Variants in SOX6 observed in about 807,000 individuals in gnomAD.
SOX6 encodes SRY-box transcription factor 6, also known as transcription factor SOX-6.
Under a neutral mutation model 97.8 loss-of-function variants are expected in SOX6, and 11 were observed. That is an observed-to-expected ratio of 0.11 (90% CI 0.07 to 0.19). The LOEUF (loss-of-function observed/expected upper bound fraction) is 0.19, where lower values mean the gene tolerates loss of function less well. SOX6 is among the 10% of genes least tolerant of loss of function. The pLI is 1.00. For synonymous variants in SOX6, 360 were observed against 371.4 expected, an observed-to-expected ratio of 0.97 and a Z score of 0.35; for missense variants, 810 against 1,039.5, an observed-to-expected ratio of 0.78 and a Z score of 3.04.
At chr11:16,434,987 C>T (rs1055922487) in intron 1 of SOX6, among the ~76,000 whole-genome samples, 10 of 152,072 alleles carry the variant, frequency 6.6e-5, no homozygotes, top group African/African-American at 1.7e-4. Context: ...ACAACTATTA[C>T]GCAGCCTCAT....
At chr11:16,585,700 T>TTTTG (rs1848084344) in intron 4 of SOX6, among the ~76,000 whole-genome samples, 1 of 132,972 alleles carries the variant, frequency 7.5e-6, no homozygotes, top group Non-Finnish European at 1.7e-5. Flanking sequence ...TTTTTTTTTT[T>TTTTG]GAGACAGGGT....
chr11:16,656,635 G>A (rs1847720517), intron 3 of SOX6, among the ~76,000 whole-genome samples: 1 of 152,046 alleles, frequency 6.6e-6, no homozygotes, highest in Non-Finnish European at 1.5e-5. Flanking sequence ...CAGTTTAGAA[G>A]AGTCTAAATA....
intron 6 of SOX6, among the ~76,000 whole-genome samples, chr11:16,131,257 A>C (rs1459408949): frequency 6.6e-6 from 1 of 152,002 alleles, no homozygotes; most frequent in African/African-American, 2.4e-5. Context: ...ACAACTCAAT[A>C]ATAAGTCAAA....
chr11:16,521,379 G>A (rs1232048171), intron 4 of SOX6, among the ~76,000 whole-genome samples: 1 of 152,174 alleles, frequency 6.6e-6, no homozygotes, highest in Non-Finnish European at 1.5e-5. Context: ...AGGGTCAGGA[G>A]TGGACCTCTA....
intron 1 of SOX6, among the ~76,000 whole-genome samples, chr11:16,394,987 C>A (rs1298830478): frequency 6.6e-6 from 1 of 151,736 alleles, no homozygotes; most frequent in Non-Finnish European, 1.5e-5. Flanking sequence ...ACATTTCTAC[C>A]GCCATCCGCA....
Position 15,979,352 on chromosome 11 carries a change from A to G in SOX6, c.2184-6240T>C, listed in dbSNP as rs569972715. Reference sequence around the variant, plus strand: ...CCCTACAAACCTGGAACAAACCACCATCAACTCCAATCTGGTTTATTGTAA... The same window carrying G: ...CCCTACAAACCTGGAACAAACCACCGTCAACTCCAATCTGGTTTATTGTAA... On this transcript the variant is annotated intron_variant, in intron 15 of 15. Transcript: ENST00000683767. Among the ~76,000 whole-genome samples, 3 of 152,056 alleles carry G rather than the reference A, an allele frequency of 2.0e-5. No homozygotes were observed. In the East Asian group the frequency reaches 5.8e-4, roughly 29 times the overall value.
intron 2 of SOX6, among the ~76,000 whole-genome samples, chr11:16,719,719 T>C (rs925435081): frequency 6.6e-6 from 1 of 151,810 alleles, no homozygotes; most frequent in Non-Finnish European, 1.5e-5. Flanking sequence ...AGTCCAGGAG[T>C]TCGAGGCTAG....
chr11:16,641,435 A>T (rs1848911917), intron 3 of SOX6, among the ~76,000 whole-genome samples: 1 of 152,124 alleles, frequency 6.6e-6, no homozygotes, highest in Admixed American at 6.6e-5. Context: ...CTTGGTGCAG[A>T]GCTGAGTTCA....
intron 6 of SOX6, among the ~76,000 whole-genome samples, chr11:16,131,112 G>A (rs1489103804): frequency 6.6e-6 from 1 of 151,652 alleles, no homozygotes; most frequent in African/African-American, 2.4e-5. Flanking sequence ...ATGGTAGAAT[G>A]GGTGTCATTA....
chr11:16,014,279 C>A (rs566275644), intron 13 of SOX6, among the ~76,000 whole-genome samples: 2 of 152,118 alleles, frequency 1.3e-5, no homozygotes, highest in African/African-American at 4.8e-5. Flanking sequence ...GATATTGGTG[C>A]GGGTAAACAT....
intron 1 of SOX6, among the ~76,000 whole-genome samples, chr11:16,372,939 C>T (rs1177605996): frequency 6.6e-6 from 1 of 152,100 alleles, no homozygotes; most frequent in Non-Finnish European, 1.5e-5. Context: ...TAAAAGTTCA[C>T]ATTAGTTAGT....
intron 4 of SOX6, among the ~76,000 whole-genome samples, chr11:16,609,953 C>T (rs1240732890): frequency 6.6e-6 from 1 of 152,148 alleles, no homozygotes; most frequent in Non-Finnish European, 1.5e-5. Context: ...AGCCTGGAGG[C>T]CAATAAGATG....
chr11:16,104,360 AGG>A (rs1849021586), intron 7 of SOX6, among the ~76,000 whole-genome samples: 1 of 152,042 alleles, frequency 6.6e-6, no homozygotes, highest in Non-Finnish European at 1.5e-5. Flanking sequence ...CACTGAGAAA[AGG>A]TCAGATTTTC....
At chr11:16,716,127 T>C (rs997182406) in intron 2 of SOX6, among the ~76,000 whole-genome samples, 8 of 152,152 alleles carry the variant, frequency 5.3e-5, no homozygotes, top group African/African-American at 1.9e-4. Context: ...TCCCAGCTAC[T>C]TGGGAGGCTG....
intron 12 of SOX6, among the ~76,000 whole-genome samples, chr11:16,036,444 T>C (rs16932477): frequency 0.05 from 7,591 of 152,182 alleles, 625 homozygotes; most frequent in African/African-American, 0.17. Flanking sequence ...TGAGAGAGTG[T>C]TGAATATATG....
chr11:16,665,179 G>A (rs568851683), intron 3 of SOX6, among the ~76,000 whole-genome samples: 2 of 152,034 alleles, frequency 1.3e-5, no homozygotes, highest in Admixed American at 6.5e-5. Context: ...GAGAAAGAAC[G>A]GTAAAGGGGA....
intron 15 of SOX6, among the ~76,000 whole-genome samples, chr11:15,973,789 C>G (rs1853385137): frequency 6.6e-6 from 1 of 152,118 alleles, no homozygotes; most frequent in African/African-American, 2.4e-5. Flanking sequence ...TGCAACTCAA[C>G]AGAGTAGAGT....
chr11:15,979,342 A>G (rs781036507), intron 15 of SOX6, among the ~76,000 whole-genome samples: 5 of 151,982 alleles, frequency 3.3e-5, no homozygotes, highest in South Asian at 2.1e-4. Context: ...CAAACCTGGA[A>G]CAAACCACCA....
chr11:16,589,835 A>G (rs954608232), intron 4 of SOX6, among the ~76,000 whole-genome samples: 6 of 152,202 alleles, frequency 3.9e-5, no homozygotes, highest in Non-Finnish European at 5.9e-5. Flanking sequence ...AATTTTTCCA[A>G]CAATGTTTAA....
Sources: allele counts gnomAD v4.1 joint callset (sites outside exome capture counted in the v4.1 genomes callset), GRCh38; gene constraint gnomAD v4.1.1; transcripts MANE v1.5; gene names NCBI Gene and HGNC (gene_info 2026-07-23, HGNC 2026-07-21).